The following KIF26A variants were observed in gnomAD, a reference collection of about 807,000 sequenced individuals.
The protein encoded by KIF26A is kinesin-like protein KIF26A.
In KIF26A, 74 loss-of-function variants were observed where a neutral mutation model predicts 126.0. That is an observed-to-expected ratio of 0.59 (90% CI 0.49 to 0.71). KIF26A has a LOEUF of 0.71. Ranked by LOEUF, KIF26A falls within the 30% of genes least tolerant of loss-of-function variation. The pLI is 0.00. For missense variants in KIF26A, 2,984 were observed against 2,763.3 expected (o/e 1.08, Z -1.79); for synonymous variants, 1,445 against 1,232.7 (o/e 1.17, Z -3.61).
chr14:104,174,564 G>C (rs148072221), intron 11 of KIF26A, among the ~76,000 whole-genome samples: 2,465 of 152,258 alleles, frequency 0.016, 31 homozygotes, highest in Middle Eastern at 0.051. Context: ...CCTCACTCCA[G>C]CCTGCTGCCC....
intron 12 of KIF26A, among the ~76,000 whole-genome samples, chr14:104,178,338 C>T (rs2038059130): frequency 6.6e-6 from 1 of 152,122 alleles, no homozygotes; most frequent in East Asian, 1.9e-4. Flanking sequence ...GTGGGAGGCC[C>T]TGGTGGTGGT....
Position 104,171,657 on chromosome 14 carries a change from C to T in KIF26A, c.1114-66C>T. 6 of 1,400,520 alleles carry T rather than the reference C, an allele frequency of 4.3e-6. No homozygotes were observed. In the Admixed American group the frequency reaches 6.0e-5, roughly 14 times the overall value. 86.8% of individuals were successfully genotyped at this position (1,400,520 alleles called of 1,614,324 possible). A position where few individuals can be genotyped will look rare whatever the true frequency, so the allele number is the denominator to read the frequency against. On this transcript the variant is annotated intron_variant, in intron 5 of 14. Transcript: ENST00000423312. ...TGTCCCCACCTGAGCTGGGCCCCTC[C>T]TGCCCTGTAATTAGTGGCCGGCTGG... is the stretch of plus-strand genomic sequence containing the variant.
At chr14:104,150,590 T>G (rs1300460837) in intron 2 of KIF26A, among the ~76,000 whole-genome samples, 1 of 152,062 alleles carries the variant, frequency 6.6e-6, no homozygotes, top group Non-Finnish European at 1.5e-5. Context: ...GCTCAAGGAA[T>G]GTGGGTGGGG....
rs763303887 is a variant in KIF26A at position 104,152,009 on chromosome 14, C to T, written c.289-6C>T. 1.2e-6 allele frequency: 2 copies of T among 1,612,380 alleles called. No individual in the cohort carries two copies. The highest frequency in any genetic ancestry group is 1.3e-5 in the African/African-American group (1 of 74,898). Reference sequence around the variant, plus strand: ...TGACCCTGCCTTTGTCCCTTGCTGTCCTCAGGATCCTTGCCTCTCTGCCCT... The same window carrying T: ...TGACCCTGCCTTTGTCCCTTGCTGTTCTCAGGATCCTTGCCTCTCTGCCCT... On this transcript the variant is annotated splice_polypyrimidine_tract_variant and splice_region_variant and intron_variant, in intron 2 of 14. Coordinates refer to ENST00000423312, the MANE Select transcript of KIF26A (RefSeq NM_015656.2). The surrounding 1 kb of genome is among the most constrained non-coding windows in gnomAD (Gnocchi z 5.9).
Position 104,176,961 on chromosome 14 carries a change from G to T in KIF26A, c.4173G>T (p.Gly1391=). The T allele has an allele frequency of 6.5e-7, 1 of 1,535,198 alleles. No homozygotes were observed. Among genetic ancestry groups the T allele is most frequent in the Non-Finnish European group, 8.7e-7 (1 of 1,145,832 alleles). The change falls in exon 12 of 15, where the codon GGG becomes GGT. Residue 1391 remains glycine (G), a synonymous_variant. Coordinates refer to ENST00000423312, the MANE Select transcript of KIF26A (RefSeq NM_015656.2). ...ATGCTGTGAACCCGGCGCGGGTCGG[G>T]GCTGCTGCTGTCCTTCGAGGGGAGG... is the stretch of plus-strand genomic sequence containing the variant. The part of the protein sequence containing the change: ...PPHAVNPARV[G]AAAVLRGEEE...
chr14:104,177,924 T>C, intron 12 of KIF26A, 26 bp downstream of exon 12: 1 of 1,479,314 alleles, frequency 6.8e-7, no homozygotes, highest in Non-Finnish European at 8.9e-7. Context: ...CACAGCCCTC[T>C]ACAGTTTACG....
rs2037976964 is a variant in KIF26A, at chr14:104,173,127, G to A, written c.1571G>A (p.Cys524Tyr). Reference sequence around the variant, plus strand: ...GTCCGGGTCTCAGCCGTGGAGGTGTGCGGGCGCGACCAGAGCCTGCGGGAC... The same window carrying A: ...GTCCGGGTCTCAGCCGTGGAGGTGTACGGGCGCGACCAGAGCCTGCGGGAC... ...FSVRVSAVEV[C>Y]GRDQSLRDLL... is the part of the protein sequence containing the mutation. Residue 524 changes from cysteine (C) to tyrosine (Y), a missense_variant, in exon 8 of 15, where the codon TGC becomes TAC. Physicochemically the swap from Cys to Tyr is radical, Grantham distance 194. Transcript: ENST00000423312. 1.9e-6 allele frequency: 3 copies of A among 1,608,578 alleles called. No individual in the cohort carries two copies. Among genetic ancestry groups the A allele is most frequent in the Non-Finnish European group, 2.5e-6 (3 of 1,178,420 alleles).
At chr14:104,164,823 CTGTG>C (rs1299889062) in intron 4 of KIF26A, among the ~76,000 whole-genome samples, 2 of 150,800 alleles carry the variant, frequency 1.3e-5, no homozygotes, top group African/African-American at 4.9e-5. Context: ...ATCCTTGTCT[CTGTG>C]TGAGTGTCTG....
At chr14:104,157,728 T>C (rs1395916098) in intron 3 of KIF26A, 27 bp from the exon 4 acceptor site, 1 of 1,604,490 alleles carries the variant, frequency 6.2e-7, no homozygotes, top group African/African-American at 1.3e-5. Context: ...CTTGCGTTCC[T>C]TATACGCACT....
chr14:104,166,515 C>T (rs932879858), intron 4 of KIF26A, among the ~76,000 whole-genome samples: 5 of 152,116 alleles, frequency 3.3e-5, no homozygotes, highest in Admixed American at 1.3e-4. Flanking sequence ...GTCCGACCCC[C>T]GGCAGCGGCT....
In KIF26A at chr14:104,178,613, C is replaced by G. The variant is rs2038063278; in HGVS notation, c.5174C>G (p.Pro1725Arg). 7 of 1,547,380 alleles carry G rather than the reference C, an allele frequency of 4.5e-6. No homozygotes were observed. Among genetic ancestry groups the G allele is most frequent in the Non-Finnish European group, 4.4e-6 (5 of 1,146,362 alleles). ...GACACCACTGCCCTGGGCCGTAAGCCCAGCCTCCCCGGGCAGTGGGTGGAC... is the reference window on the plus strand; with the variant it reads ...GACACCACTGCCCTGGGCCGTAAGCGCAGCCTCCCCGGGCAGTGGGTGGAC... ...LPDTTALGRK[P>R]SLPGQWVDLP... is the part of the protein sequence containing the mutation. Residue 1725 changes from proline to arginine, a missense_variant, in exon 13 of 15, where the codon CCC becomes CGC. Physicochemically the swap from Pro to Arg is moderately radical, Grantham distance 103 (BLOSUM62 -2). Coordinates refer to ENST00000423312, the MANE Select transcript of KIF26A (RefSeq NM_015656.2).
intron 4 of KIF26A, 93 bp downstream of exon 4, chr14:104,158,035 C>A (rs1024416826): frequency 6.6e-6 from 8 of 1,211,664 alleles, no homozygotes; most frequent in Non-Finnish European, 8.8e-6. Context: ...TCTTGGGGGA[C>A]CTCGGGCATG....
chr14:104,176,357 G>C lies in KIF26A; in HGVS notation c.3569G>C (p.Arg1190Thr). 6.3e-7 allele frequency: 1 copy of C among 1,582,166 alleles called. No homozygotes were observed. ...VAAVAPSRPGREPQAGPSRWA... is the reference protein window; with the variant it reads ...VAAVAPSRPGTEPQAGPSRWA... ...GCAGTGGCCCCATCCCGACCCGGCA[G>C]GGAGCCCCAGGCCGGGCCCTCGCGG... Residue 1190 changes from arginine to threonine, a missense_variant, in exon 12 of 15, where the codon AGG (arginine) becomes ACG (threonine). Transcript: ENST00000423312.
rs2037731332 is a variant in KIF26A, at chr14:104,151,734, C to A, written c.289-281C>A. On this transcript the variant is annotated intron_variant, in intron 2 of 14. Transcript: ENST00000423312. This position sits in a 1 kb window ranked among gnomAD's most constrained non-coding sequence, Gnocchi z 4.9. The stretch of plus-strand genomic sequence containing the variant: ...TGACAGTGGTCCGGTTGTCCGGGAG[C>A]CGCAAACCTGCCTTGTTAGCCGCAG... Among the ~76,000 whole-genome samples, 1 of 152,230 alleles carries A rather than the reference C, an allele frequency of 6.6e-6. No homozygotes were observed. The highest frequency in any genetic ancestry group is 6.5e-5 in the Admixed American group (1 of 15,290).
Position 104,176,801 on chromosome 14 carries a change from C to T in KIF26A, c.4013C>T (p.Ala1338Val), listed in dbSNP as rs1468235920. 4 of 1,565,188 alleles carry T rather than the reference C, an allele frequency of 2.6e-6. No homozygotes were observed. Among genetic ancestry groups the T allele is most frequent in the Non-Finnish European group, 3.5e-6 (4 of 1,156,368 alleles). ...GTGGCCTGCTCGGGGAGCCTGAAGGCCTCCCCCACCAGCAAGAAGGGTCTG... is the reference window on the plus strand; with the variant it reads ...GTGGCCTGCTCGGGGAGCCTGAAGGTCTCCCCCACCAGCAAGAAGGGTCTG... ...EVVACSGSLK[A>V]SPTSKKGLAP... is the part of the protein sequence containing the mutation. Residue 1338 changes from alanine to valine, a missense_variant, in exon 12 of 15, where the codon GCC (alanine) becomes GTC (valine). Coordinates refer to ENST00000423312, the MANE Select transcript of KIF26A (RefSeq NM_015656.2).
In KIF26A at chr14:104,176,582, T is replaced by G; in HGVS notation, c.3794T>G (p.Leu1265Arg). ...GCTGGCAGGGCCCCCAGCCCCACAC[T>G]TGGCTCCCCCCGGCTGCCTGAGGCC... ...ASAGRAPSPT[L>R]GSPRLPEAQV... Residue 1265 changes from leucine to arginine, a missense_variant, in exon 12 of 15, where the codon CTT becomes CGT. By Grantham distance (102) the Leu-to-Arg change is moderately radical (BLOSUM62 -2). Coordinates refer to ENST00000423312, the MANE Select transcript of KIF26A (RefSeq NM_015656.2). 2 of 1,608,038 alleles carry G rather than the reference T, an allele frequency of 1.2e-6. No individual in the cohort carries two copies. The highest frequency in any genetic ancestry group is 1.7e-6 in the Non-Finnish European group (2 of 1,179,586).
At chr14:104,179,127 G>A (rs900694150) in intron 13 of KIF26A, 109 bp from the exon 14 acceptor site, 98 of 1,259,850 alleles carry the variant, frequency 7.8e-5, no homozygotes, top group Admixed American at 1.7e-4. Flanking sequence ...CCCACTGTGT[G>A]CCTGCCAAGG....
chr14:104,158,352 G>A (rs10147953), intron 4 of KIF26A, among the ~76,000 whole-genome samples: 100,343 of 152,170 alleles, frequency 0.66, 33,617 homozygotes, highest in East Asian at 0.82. Flanking sequence ...GAAGCCTGGA[G>A]AATGTGGCCC....
Position 104,151,907 on chromosome 14 carries a change from C to A in KIF26A, c.289-108C>A. 1.1e-6 allele frequency: 1 copy of A among 900,940 alleles called. No individual in the cohort carries two copies. The highest frequency in any genetic ancestry group is 1.8e-6 in the Non-Finnish European group (1 of 558,952). The allele number at this position is 900,940 out of a possible 1,614,324, so 55.8% of individuals were successfully genotyped here. A position where few individuals can be genotyped will look rare whatever the true frequency, so the allele number is the denominator to read the frequency against. ...TAATCTGTTACGGATGGTGCGGTGG[C>A]CAGGCGGGAGCTCGCAGCGTCATGG... On this transcript the variant is annotated intron_variant, in intron 2 of 14. Coordinates refer to ENST00000423312, the MANE Select transcript of KIF26A (RefSeq NM_015656.2). The surrounding 1 kb of genome is among the most constrained non-coding windows in gnomAD (Gnocchi z 4.9).
Sources: gnomAD v4.1 joint callset for allele counts (sites outside exome capture counted in the v4.1 genomes callset) on GRCh38, gnomAD v4.1.1 for gene constraint, Gnocchi (gnomAD v3.1) non-coding constraint, MANE v1.5 for transcripts, NCBI Gene and HGNC (gene_info 2026-07-23, HGNC 2026-07-21) for gene names.